Variants in EEPD1 observed in about 807,000 individuals in gnomAD.
The protein encoded by EEPD1 is endonuclease/exonuclease/phosphatase family domain containing 1.
Under a neutral mutation model 46.3 loss-of-function variants are expected in EEPD1, and 17 were observed. The ratio of observed to expected loss-of-function variants is 0.37; its 90% CI spans 0.25 to 0.55. The LOEUF (loss-of-function observed/expected upper bound fraction) is 0.55, where lower values mean the gene tolerates loss of function less well. Among genes scored for constraint, EEPD1 ranks in the 20% least tolerant of loss-of-function variants. The probability of loss-of-function intolerance (pLI) is 0.83; values close to 1 mark genes in which losing one functional copy is unlikely to be tolerated. For missense variants in EEPD1, 673 were observed against 745.6 expected (o/e 0.90, Z 1.13); for synonymous variants, 313 against 315.6 (o/e 0.99, Z 0.09).
intron 3 of EEPD1, among the ~76,000 whole-genome samples, chr7:36,250,207 G>A (rs908356775): frequency 6.6e-6 from 1 of 152,180 alleles, no homozygotes; most frequent in Non-Finnish European, 1.5e-5. Flanking sequence ...GGGTGACAGA[G>A]CAAGACCCTG....
At chr7:36,248,269 A>G (rs965108796) in intron 3 of EEPD1, among the ~76,000 whole-genome samples, 1 of 151,394 alleles carries the variant, frequency 6.6e-6, no homozygotes, top group Non-Finnish European at 1.5e-5. Flanking sequence ...CAGTGGTGCA[A>G]TCTCAGCTCA....
At chr7:36,204,726 G>A (rs1454764885) in intron 2 of EEPD1, among the ~76,000 whole-genome samples, 1 of 152,186 alleles carries the variant, frequency 6.6e-6, no homozygotes, top group African/African-American at 2.4e-5. Context: ...CTTCCTGGGT[G>A]CACCTCTTCC....
rs188241696 is a variant in EEPD1, at chr7:36,235,068, T to G, written c.879-3917T>G. ...TCCAGCACAGGTTTCCCCCACAGCCTCAAGCCCAGGCCTTCCCCATAGCCT... is the reference window on the plus strand; with the variant it reads ...TCCAGCACAGGTTTCCCCCACAGCCGCAAGCCCAGGCCTTCCCCATAGCCT... On this transcript the variant is annotated intron_variant, in intron 2 of 7. Coordinates refer to ENST00000242108, the MANE Select transcript of EEPD1 (RefSeq NM_030636.3). 2.2e-3 allele frequency among the ~76,000 whole-genome samples: 300 copies of G among 138,364 alleles called. 1 individual carries two copies. The highest frequency in any genetic ancestry group is 3.8e-3 in the Non-Finnish European group (247 of 65,244). 90.8% of individuals were successfully genotyped at this position (138,364 alleles called of 152,430 possible). A position where few individuals can be genotyped will look rare whatever the true frequency, so the allele number is the denominator to read the frequency against.
chr7:36,258,966 C>T (rs1204317119), intron 3 of EEPD1, among the ~76,000 whole-genome samples: 2 of 151,912 alleles, frequency 1.3e-5, no homozygotes, highest in Non-Finnish European at 2.9e-5. Flanking sequence ...ACCCAGGGCC[C>T]GGTGATGTAG....
chr7:36,295,405 A>G (rs1328606069), intron 6 of EEPD1, among the ~76,000 whole-genome samples: 1 of 152,194 alleles, frequency 6.6e-6, no homozygotes, highest in African/African-American at 2.4e-5. Flanking sequence ...CTTATACCTC[A>G]TAAGTATCCA....
intron 2 of EEPD1, among the ~76,000 whole-genome samples, chr7:36,191,380 C>T (rs908642656): frequency 2.6e-5 from 4 of 152,116 alleles, no homozygotes; most frequent in African/African-American, 7.2e-5. Context: ...AGTGTATGCA[C>T]ACTGGAGAGG....
At chr7:36,190,295 GC>G (rs1362115366) in intron 2 of EEPD1, among the ~76,000 whole-genome samples, 1 of 146,678 alleles carries the variant, frequency 6.8e-6, no homozygotes, top group Non-Finnish European at 1.5e-5. Context: ...TCACTTGAAT[GC>G]AGGAGTCAGA....
chr7:36,264,968 G>A (rs755038870), intron 3 of EEPD1, among the ~76,000 whole-genome samples: 2 of 151,054 alleles, frequency 1.3e-5, no homozygotes, highest in Admixed American at 6.6e-5. Flanking sequence ...TAGGAAACAT[G>A]CAGCCTTTAA....
At chr7:36,211,061 C>T (rs552730999) in intron 2 of EEPD1, among the ~76,000 whole-genome samples, 2 of 152,240 alleles carry the variant, frequency 1.3e-5, no homozygotes, top group Admixed American at 1.3e-4. Flanking sequence ...ATGAAAAGAG[C>T]CTCACGAGCC....
chr7:36,292,920 G>A (rs940852300), intron 6 of EEPD1, among the ~76,000 whole-genome samples: 1 of 152,060 alleles, frequency 6.6e-6, no homozygotes, highest in African/African-American at 2.4e-5. Context: ...AAGAGGACTT[G>A]GAAGAATAGG....
intron 2 of EEPD1, among the ~76,000 whole-genome samples, chr7:36,213,232 C>G (rs1360070565): frequency 6.6e-6 from 1 of 152,090 alleles, no homozygotes; most frequent in East Asian, 1.9e-4. Flanking sequence ...ATGACACATT[C>G]AGGAGGTGGT....
intron 4 of EEPD1, 41 bp from the exon 5 acceptor site, chr7:36,284,645 A>G: frequency 6.3e-7 from 1 of 1,593,592 alleles, no homozygotes; most frequent in Non-Finnish European, 8.5e-7. Flanking sequence ...AGGTGGCGCT[A>G]GGGCTCTGGC....
At chr7:36,221,688 A>G (rs552331109) in intron 2 of EEPD1, among the ~76,000 whole-genome samples, 14 of 152,348 alleles carry the variant, frequency 9.2e-5, no homozygotes, top group African/African-American at 2.6e-4. Flanking sequence ...TATTCTGATC[A>G]GTTCTAAAAA....
chr7:36,245,457 C>T (rs1052837046), intron 3 of EEPD1, among the ~76,000 whole-genome samples: 3 of 152,136 alleles, frequency 2.0e-5, no homozygotes, highest in African/African-American at 7.2e-5. Context: ...ACACAGAGAC[C>T]CCCAAGGCAT....
chr7:36,267,531 C>T (rs1042909699), intron 3 of EEPD1, among the ~76,000 whole-genome samples: 4 of 152,138 alleles, frequency 2.6e-5, no homozygotes, highest in African/African-American at 9.7e-5. Context: ...GTTCTGAGCT[C>T]AAGCATCACC....
At chr7:36,295,334 G>A (rs1787506241) in intron 6 of EEPD1, among the ~76,000 whole-genome samples, 1 of 152,076 alleles carries the variant, frequency 6.6e-6, no homozygotes, top group Admixed American at 6.5e-5. Context: ...GACCAAAGCT[G>A]GAAATATTTC....
chr7:36,287,603 G>T, intron 5 of EEPD1, 36 bp from the exon 6 acceptor site: 3 of 1,604,020 alleles, frequency 1.9e-6, no homozygotes, highest in Non-Finnish European at 2.6e-6. Flanking sequence ...ATGAGCTTCT[G>T]AGCCTCTCCC....
rs1353805160 is a variant in EEPD1, at chr7:36,155,163, G to A, written c.839G>A (p.Gly280Glu). 6.6e-7 allele frequency: 1 copy of A among 1,521,486 alleles called. No homozygotes were observed. The highest frequency in any genetic ancestry group is 2.2e-5 in the Admixed American group (1 of 45,052). The allele number at this position is 1,521,486 out of a possible 1,614,324, so 94.2% of individuals were successfully genotyped here. A position where few individuals can be genotyped will look rare whatever the true frequency, so the allele number is the denominator to read the frequency against. ...TCCGTGGAGAAGGCCAACAACCCCG[G>A]GGTGCGAGAGGTGGTGTGCATGACA... ...GCSVEKANNP[G>E]VREVVCMTLL... Residue 280 changes from glycine to glutamate, a missense_variant, in exon 2 of 8, where the codon GGG becomes GAG. Coordinates refer to ENST00000242108, the MANE Select transcript of EEPD1 (RefSeq NM_030636.3).
intron 2 of EEPD1, among the ~76,000 whole-genome samples, chr7:36,205,680 C>T (rs1302088046): frequency 5.9e-5 from 9 of 152,200 alleles, no homozygotes; most frequent in Admixed American, 5.9e-4. Flanking sequence ...CGTGAAATGG[C>T]ATTGGATTTT....
Sources: allele counts gnomAD v4.1 joint callset (sites outside exome capture counted in the v4.1 genomes callset), GRCh38; gene constraint gnomAD v4.1.1; transcripts MANE v1.5; gene names NCBI Gene and HGNC (gene_info 2026-07-23, HGNC 2026-07-21).